Variants in NXPE2 observed in about 807,000 individuals in gnomAD.
NXPE2 encodes neurexophilin and PC-esterase domain family member 2.
In NXPE2, 34 loss-of-function variants were observed where a neutral mutation model predicts 34.4. That is an observed-to-expected ratio of 0.99 (90% confidence interval 0.75 to 1.31). The LOEUF (loss-of-function observed/expected upper bound fraction) is 1.31, where lower values mean the gene tolerates loss of function less well. Ranked by LOEUF, NXPE2 falls within the 40% of genes most tolerant of loss-of-function variation. NXPE2 has a pLI of 0.00. For missense variants in NXPE2, 649 were observed against 672.5 expected, an observed-to-expected ratio of 0.97 and a Z score of 0.39; for synonymous variants, 235 against 231.3, an observed-to-expected ratio of 1.02 and a Z score of -0.15.
the NXPE2 span, among the ~76,000 whole-genome samples, chr11:114,536,432 C>T: frequency 6.6e-6 from 1 of 152,072 alleles, no homozygotes; most frequent in African/African-American, 2.4e-5. Context: ...TAACTAAGAT[C>T]AGAGCAGGAC....
the NXPE2 span, among the ~76,000 whole-genome samples, chr11:114,664,725 G>T: frequency 2.6e-5 from 4 of 152,140 alleles, no homozygotes; most frequent in Non-Finnish European, 5.9e-5. Context: ...AATAGAAACC[G>T]TACTTCCAAT....
chr11:114,775,817 T>A, the NXPE2 span, among the ~76,000 whole-genome samples: 1 of 149,608 alleles, frequency 6.7e-6, no homozygotes, highest in Non-Finnish European at 1.5e-5. Flanking sequence ...CAAAGGGTGG[T>A]AGATACTTGC....
chr11:114,810,933 T>C, the NXPE2 span, among the ~76,000 whole-genome samples: 2 of 152,132 alleles, frequency 1.3e-5, no homozygotes, highest in African/African-American at 4.8e-5. Flanking sequence ...GACTTGGAAC[T>C]GACCTAAATG....
the NXPE2 span, among the ~76,000 whole-genome samples, chr11:114,604,137 C>T: frequency 2.0e-5 from 3 of 152,154 alleles, no homozygotes; most frequent in South Asian, 2.1e-4. Flanking sequence ...TAGGTAACTA[C>T]TGATACCTGC....
the NXPE2 span, among the ~76,000 whole-genome samples, chr11:114,506,868 G>A: frequency 6.6e-6 from 1 of 151,952 alleles, no homozygotes; most frequent in Non-Finnish European, 1.5e-5. Flanking sequence ...CAGAAGGCAA[G>A]AAATAACCAA....
the NXPE2 span, among the ~76,000 whole-genome samples, chr11:114,803,830 G>A: frequency 8.6e-5 from 13 of 151,876 alleles, no homozygotes; most frequent in African/African-American, 1.2e-4. Flanking sequence ...CGCCCACCTC[G>A]GCCTCCCAAA....
At chr11:114,812,121 G>A in the NXPE2 span, among the ~76,000 whole-genome samples, 1 of 152,218 alleles carries the variant, frequency 6.6e-6, no homozygotes, top group African/African-American at 2.4e-5. Flanking sequence ...ACACAGTGGA[G>A]TTTGAGCTCT....
chr11:114,772,752 C>A, the NXPE2 span, among the ~76,000 whole-genome samples: 1 of 152,116 alleles, frequency 6.6e-6, no homozygotes, highest in Non-Finnish European at 1.5e-5. Context: ...ATCTTTTCTA[C>A]CCTGCCCCAC....
the NXPE2 span, among the ~76,000 whole-genome samples, chr11:114,636,910 G>A: frequency 6.6e-6 from 1 of 152,088 alleles, no homozygotes; most frequent in Non-Finnish European, 1.5e-5. Flanking sequence ...GAATAGGTGT[G>A]GTGTGTTGCT....
chr11:114,475,226 GTTTTTTTTTTTTTTTT>G, the NXPE2 span, among the ~76,000 whole-genome samples: 539 of 88,016 alleles, frequency 6.1e-3, 7 homozygotes, highest in African/African-American at 0.018. Flanking sequence ...AATGTGAACT[GTTTTTTTTTTTTTTTT>G]TTTTTTTTTT....
chr11:114,653,524 C>T, the NXPE2 span, among the ~76,000 whole-genome samples: 2 of 143,468 alleles, frequency 1.4e-5, no homozygotes, highest in Non-Finnish European at 3.0e-5. Context: ...TACCCTTGTC[C>T]TGCTTTCCCT....
the NXPE2 span, among the ~76,000 whole-genome samples, chr11:114,659,491 T>C: frequency 6.8e-6 from 1 of 147,570 alleles, no homozygotes; most frequent in Non-Finnish European, 1.5e-5. Flanking sequence ...ACCCTAGAGA[T>C]GTGAAATAAT....
At chr11:114,639,919 T>A in the NXPE2 span, among the ~76,000 whole-genome samples, 1,127 of 113,764 alleles carry the variant, frequency 9.9e-3, 29 homozygotes, top group Middle Eastern at 0.014. Context: ...AATATAATAT[T>A]ATATTATATA....
At chr11:114,605,898 T>C in the NXPE2 span, among the ~76,000 whole-genome samples, 5 of 151,472 alleles carry the variant, frequency 3.3e-5, no homozygotes, top group African/African-American at 1.2e-4. Flanking sequence ...TAACCAATGT[T>C]ACCCGGTTTA....
At chr11:114,557,109 G>A in the NXPE2 span, among the ~76,000 whole-genome samples, 1 of 151,958 alleles carries the variant, frequency 6.6e-6, no homozygotes, top group Non-Finnish European at 1.5e-5. Context: ...GGCCAGGCTG[G>A]TCTCGAATTC....
rs771793975 is a variant in NXPE2, at chr11:114,698,477, C to A, written c.565C>A (p.Leu189Met). 2.5e-6 allele frequency: 4 copies of A among 1,614,096 alleles called. No homozygotes were observed. In the Middle Eastern group the frequency reaches 4.9e-4, roughly 200 times the overall value. The change falls in exon 3 of 6, where the codon CTG (leucine) becomes ATG (methionine). Residue 189 changes from leucine (L) to methionine (M), a missense_variant. Physicochemically the swap from Leu to Met is conservative, Grantham distance 15. Transcript: ENST00000389586. ...TCTGTTCTGGGAGGGCCAGGTTTCC[C>A]TGTCTCTGCTGCTCATCCACCCCAG... is the stretch of plus-strand genomic sequence containing the variant. ...FTLFWEGQVS[L>M]SLLLIHPSEG...
the NXPE2 span, among the ~76,000 whole-genome samples, chr11:114,623,483 G>A: frequency 1.3e-5 from 2 of 151,992 alleles, no homozygotes; most frequent in African/African-American, 4.8e-5. Flanking sequence ...TTTCCTCTCG[G>A]GTAACCACTG....
intron 2 of NXPE2, among the ~76,000 whole-genome samples, chr11:114,685,512 A>G (rs1376407918): frequency 6.6e-6 from 1 of 152,186 alleles, no homozygotes; most frequent in Non-Finnish European, 1.5e-5. Flanking sequence ...ATACCATCAC[A>G]TTGAAAGTTA....
the NXPE2 span, chr11:114,522,623 A>G: frequency 5.8e-6 from 5 of 855,332 alleles, no homozygotes; most frequent in African/African-American, 3.4e-5. Context: ...GAGCCTTTCT[A>G]CTCTCTAGGG....
Sources: allele counts gnomAD v4.1 joint callset (sites outside exome capture counted in the v4.1 genomes callset), GRCh38; gene constraint gnomAD v4.1.1; transcripts MANE v1.5; gene names NCBI Gene and HGNC (gene_info 2026-07-23, HGNC 2026-07-21).